The following ENTREP2 variants were observed in gnomAD, a reference collection of about 807,000 sequenced individuals.
ENTREP2 encodes endosomal transmembrane epsin interactor 2, also known as protein ENTREP2.
the ENTREP2 span, chr15:29,570,611 G>A: frequency 6.9e-7 from 1 of 1,450,118 alleles, no homozygotes; most frequent in African/African-American, 1.5e-5. Flanking sequence ...CGCCATCTGC[G>A]TGGCCCCGAG....
At chr15:29,559,831 T>C in the ENTREP2 span, among the ~76,000 whole-genome samples, 1 of 152,156 alleles carries the variant, frequency 6.6e-6, no homozygotes, top group Non-Finnish European at 1.5e-5. Flanking sequence ...TTTTGCCATG[T>C]GAGACACAGA....
the ENTREP2 span, among the ~76,000 whole-genome samples, chr15:29,250,375 G>A: frequency 1.3e-5 from 2 of 152,280 alleles, no homozygotes; most frequent in South Asian, 4.1e-4. Context: ...TGATTCTGTG[G>A]TACCATCAAC....
the ENTREP2 span, chr15:29,151,718 G>A: frequency 6.5e-6 from 10 of 1,539,054 alleles, no homozygotes; most frequent in Non-Finnish European, 8.8e-6. Flanking sequence ...GAGGAGGAGG[G>A]GATCAGGCCA....
chr15:29,547,335 G>A, the ENTREP2 span, among the ~76,000 whole-genome samples: 3 of 151,838 alleles, frequency 2.0e-5, no homozygotes, highest in South Asian at 2.1e-4. Context: ...TGATCCACCC[G>A]CCTCAGCCTC....
the ENTREP2 span, among the ~76,000 whole-genome samples, chr15:29,222,605 AT>A: frequency 6.6e-6 from 1 of 152,050 alleles, no homozygotes; most frequent in African/African-American, 2.4e-5. Context: ...TCCTTCTTAC[AT>A]TTAAAATAAC....
chr15:29,483,701 G>A, the ENTREP2 span, among the ~76,000 whole-genome samples: 750 of 152,274 alleles, frequency 4.9e-3, 3 homozygotes, highest in African/African-American at 0.017. Context: ...TGTTGAAGTC[G>A]AGTATTGTTA....
At chr15:29,527,097 T>G in the ENTREP2 span, among the ~76,000 whole-genome samples, 2 of 152,124 alleles carry the variant, frequency 1.3e-5, no homozygotes, top group East Asian at 1.9e-4. Context: ...TGGCCACACT[T>G]TCTTGGTTTC....
At chr15:29,124,685 A>C in the ENTREP2 span, 1 of 1,550,260 alleles carries the variant, frequency 6.5e-7, no homozygotes. Flanking sequence ...GAAGCGTCTC[A>C]CCGCTCCCAG....
At chr15:29,406,529 C>T in the ENTREP2 span, among the ~76,000 whole-genome samples, 1 of 151,752 alleles carries the variant, frequency 6.6e-6, no homozygotes, top group Non-Finnish European at 1.5e-5. Context: ...GCCTGGGCGA[C>T]AGAGCGAAAC....
the ENTREP2 span, among the ~76,000 whole-genome samples, chr15:29,365,984 C>T: frequency 1.3e-5 from 2 of 152,146 alleles, no homozygotes; most frequent in Non-Finnish European, 2.9e-5. Flanking sequence ...ATCTAACAGC[C>T]ATTGACATGG....
At chr15:29,626,385 GT>G in the ENTREP2 span, among the ~76,000 whole-genome samples, 3 of 152,144 alleles carry the variant, frequency 2.0e-5, no homozygotes, top group Admixed American at 6.5e-5. Context: ...AGATTTGACG[GT>G]TTTATAAATG....
the ENTREP2 span, among the ~76,000 whole-genome samples, chr15:29,414,145 G>A: frequency 1.7e-3 from 262 of 152,106 alleles, 1 homozygote; most frequent in African/African-American, 5.9e-3. Flanking sequence ...TGCACCAAGC[G>A]GACCTAATAG....
At chr15:29,365,585 A>G in the ENTREP2 span, among the ~76,000 whole-genome samples, 4 of 152,114 alleles carry the variant, frequency 2.6e-5, no homozygotes, top group Non-Finnish European at 5.9e-5. Context: ...CCACAGTTAC[A>G]TATCCATTCA....
chr15:29,214,477 G>T, the ENTREP2 span, among the ~76,000 whole-genome samples: 1 of 152,142 alleles, frequency 6.6e-6, no homozygotes, highest in Non-Finnish European at 1.5e-5. Context: ...ATATAGGTAG[G>T]AACTGAACAA....
the ENTREP2 span, among the ~76,000 whole-genome samples, chr15:29,662,551 T>G: frequency 1.3e-5 from 2 of 152,134 alleles, no homozygotes; most frequent in Non-Finnish European, 2.9e-5. Flanking sequence ...CATTACACCC[T>G]GCAACCTGGC....
At chr15:29,320,231 G>C in the ENTREP2 span, among the ~76,000 whole-genome samples, 1 of 152,126 alleles carries the variant, frequency 6.6e-6, no homozygotes, top group African/African-American at 2.4e-5. Context: ...CACAGCAACA[G>C]GGCTGCAGTA....
the ENTREP2 span, among the ~76,000 whole-genome samples, chr15:29,144,029 C>G: frequency 2.0e-5 from 3 of 152,124 alleles, no homozygotes; most frequent in African/African-American, 7.2e-5. Context: ...CAGGAAAACC[C>G]AGAAGCTGGC....
the ENTREP2 span, among the ~76,000 whole-genome samples, chr15:29,358,461 A>AC: frequency 3.3e-5 from 5 of 152,186 alleles, no homozygotes; most frequent in Admixed American, 6.5e-5. Context: ...CAGGCAGGAG[A>AC]CCAGATGGGA....
At chr15:29,234,055 T>C in the ENTREP2 span, 1 of 1,460,474 alleles carries the variant, frequency 6.8e-7, no homozygotes, top group East Asian at 2.3e-5. Context: ...CTCTATTGCT[T>C]TGTGCAACCT....
Sources: gnomAD v4.1 joint callset for allele counts (sites outside exome capture counted in the v4.1 genomes callset) on GRCh38, gnomAD v4.1.1 for gene constraint, MANE v1.5 for transcripts, NCBI Gene and HGNC (gene_info 2026-07-23, HGNC 2026-07-21) for gene names.